Variants in PDGFB observed in about 807,000 individuals in gnomAD.
PDGFB encodes platelet derived growth factor subunit B.
A neutral mutation model predicts 29.0 loss-of-function variants in PDGFB; 6 were observed. That is an observed-to-expected ratio of 0.21 (90% CI 0.11 to 0.41). PDGFB has a LOEUF of 0.41. Among genes scored for constraint, PDGFB ranks in the 10% least tolerant of loss-of-function variants. PDGFB has a pLI of 1.00. For missense variants in PDGFB, 299 were observed against 341.8 expected, an observed-to-expected ratio of 0.87 and a Z score of 0.99; for synonymous variants, 144 against 140.8, an observed-to-expected ratio of 1.02 and a Z score of -0.16.
At position 39,243,215 on chromosome 22, in the gene PDGFB, T is replaced by C. The variant is rs1235469407; in HGVS notation, c.63+686A>G. Among the ~76,000 whole-genome samples, 1 of 151,704 alleles carries C rather than the reference T, an allele frequency of 6.6e-6. No homozygotes were observed. The highest frequency in any genetic ancestry group is 1.5e-5 in the Non-Finnish European group (1 of 67,962). On this transcript the variant is annotated intron_variant, in intron 1 of 6. Coordinates refer to ENST00000331163, the MANE Select transcript of PDGFB (RefSeq NM_002608.4). This position sits in a 1 kb window ranked among gnomAD's most constrained non-coding sequence, Gnocchi z 6.4. ...AGTGCCCGAAACCTACCTGCGTCTCTATCTTTCTCTCCCTCTCTCTCTCCG... is the reference window on the plus strand; with the variant it reads ...AGTGCCCGAAACCTACCTGCGTCTCCATCTTTCTCTCCCTCTCTCTCTCCG...
At chr22:39,237,844 C>T (rs527909563) in intron 1 of PDGFB, among the ~76,000 whole-genome samples, 8 of 152,320 alleles carry the variant, frequency 5.3e-5, no homozygotes, top group Admixed American at 3.3e-4. Context: ...GAAGAACATT[C>T]GATTCAATTC....
rs1256877356 is a variant in PDGFB at position 39,230,064 on chromosome 22, G to A, written c.601+20C>T. 9.9e-6 allele frequency: 16 copies of A among 1,612,246 alleles called. No homozygotes were observed. Among genetic ancestry groups the A allele is most frequent in the Non-Finnish European group, 1.4e-5 (16 of 1,179,094 alleles). ...CTGCAGGGGAAGGGGGCTGAGGGCT[G>A]AGCCTGGAAAGGTGGTTACCTCGCT... On this transcript the variant is annotated intron_variant, in intron 5 of 6. Coordinates refer to ENST00000331163, the MANE Select transcript of PDGFB (RefSeq NM_002608.4).
At position 39,242,698 on chromosome 22, in the gene PDGFB, G is replaced by C. The variant is rs1266546073; in HGVS notation, c.63+1203C>G. Among the ~76,000 whole-genome samples the C allele has an allele frequency of 6.6e-6, 1 of 152,040 alleles. No individual in the cohort carries two copies. The highest frequency in any genetic ancestry group is 2.4e-5 in the African/African-American group (1 of 41,496). ...TGGCGGCAGCCCAAGGCCGGGCCGC[G>C]GCCTCCGAGCCCTCCGCCTTAACCC... On this transcript the variant is annotated intron_variant, in intron 1 of 6. Transcript: ENST00000331163. The surrounding 1 kb of genome is among the most constrained non-coding windows in gnomAD (Gnocchi z 5.7).
rs559137929 is a variant in PDGFB at position 39,240,945 on chromosome 22, T to A, written c.63+2956A>T. On this transcript the variant is annotated intron_variant, in intron 1 of 6. Coordinates refer to ENST00000331163, the MANE Select transcript of PDGFB (RefSeq NM_002608.4). Reference sequence around the variant, plus strand: ...CGCACACACACACACACACACACTCTCTCTCTCTCTCTCTTCCTGGCTCTT... The same window carrying A: ...CGCACACACACACACACACACACTCACTCTCTCTCTCTCTTCCTGGCTCTT... 3.4e-4 allele frequency: 222 copies of A among 645,964 alleles called. 1 individual carries two copies. The highest frequency in any genetic ancestry group is 1.7e-3 in the African/African-American group (78 of 45,916). The allele number at this position is 645,964 out of a possible 1,614,324, so 40.0% of individuals were successfully genotyped here.
chr22:39,238,535 G>T (rs896885458), intron 1 of PDGFB, among the ~76,000 whole-genome samples: 1 of 152,156 alleles, frequency 6.6e-6, no homozygotes, highest in Non-Finnish European at 1.5e-5. Context: ...AATCCTAAGA[G>T]GCTGGCAGTA....
chr22:39,234,597 T>C (rs1932395524), intron 2 of PDGFB, among the ~76,000 whole-genome samples: 1 of 152,202 alleles, frequency 6.6e-6, no homozygotes, highest in Non-Finnish European at 1.5e-5. Context: ...TCCGCTTCCG[T>C]CCAGCCTGAC....
intron 1 of PDGFB, among the ~76,000 whole-genome samples, chr22:39,238,347 C>A (rs1373924002): frequency 6.6e-6 from 1 of 152,072 alleles, no homozygotes; most frequent in Admixed American, 6.6e-5. Flanking sequence ...GGCAAATGAG[C>A]AACTAGAGTC....
Position 39,223,481 on chromosome 22 carries a change from C to G in PDGFB, c.*1861G>C, listed in dbSNP as rs943703069. 1.3e-5 allele frequency: 2 copies of G among 152,374 alleles called. No individual in the cohort carries two copies. The highest frequency in any genetic ancestry group is 2.9e-5 in the Non-Finnish European group (2 of 68,096). The allele number at this position is 152,374 out of a possible 1,614,324, so 9.4% of individuals were successfully genotyped here. On this transcript the variant is annotated 3_prime_UTR_variant, in exon 7 of 7. Transcript: ENST00000331163. ...TCTTCTTCCCGCCAGACAGAGGCCT[C>G]CCCCAAGTTGCAGGCCTGCGTGTAT...
At position 39,244,029 on chromosome 22, in the gene PDGFB, A is replaced by G. The variant is rs1432317617; in HGVS notation, c.-66T>C. ...GATCGAGCGCGCCGCCCCCGCGGCC[A>G]GGGTGGGGGGCTGGGGAGGGGGGTG... On this transcript the variant is annotated 5_prime_UTR_variant, in exon 1 of 7. Transcript: ENST00000331163. This position sits in a 1 kb window ranked among gnomAD's most constrained non-coding sequence, Gnocchi z 4.5. 10 of 330,472 alleles carry G rather than the reference A, an allele frequency of 3.0e-5. No homozygotes were observed. The highest frequency in any genetic ancestry group is 4.8e-5 in the South Asian group (2 of 41,806). The allele number at this position is 330,472 out of a possible 1,614,324, so 20.5% of individuals were successfully genotyped here. A position where few individuals can be genotyped will look rare whatever the true frequency, so the allele number is the denominator to read the frequency against.
rs141737209 is a variant in PDGFB at position 39,241,459 on chromosome 22, A to G, written c.63+2442T>C. Among the ~76,000 whole-genome samples the G allele has an allele frequency of 6.3e-3, 954 of 152,322 alleles. 15 individuals are homozygous for G. The highest frequency in any genetic ancestry group is 0.022 in the African/African-American group (896 of 41,564). On this transcript the variant is annotated intron_variant, in intron 1 of 6. Coordinates refer to ENST00000331163, the MANE Select transcript of PDGFB (RefSeq NM_002608.4). ...CAGGCTTAGCAGCAAAGTGCTTCATAAACTGCAAAGTGCCACATACATCGC... is the reference window on the plus strand; with the variant it reads ...CAGGCTTAGCAGCAAAGTGCTTCATGAACTGCAAAGTGCCACATACATCGC...
chr22:39,235,646 C>A (rs975439756), intron 2 of PDGFB, 132 bp downstream of exon 2: 15 of 672,036 alleles, frequency 2.2e-5, no homozygotes, highest in Non-Finnish European at 2.6e-6. Flanking sequence ...GGTGTGGCCA[C>A]GCTCTCTCTG....
intron 3 of PDGFB, among the ~76,000 whole-genome samples, chr22:39,232,123 C>A (rs973286363): frequency 6.6e-6 from 1 of 152,228 alleles, no homozygotes; most frequent in Non-Finnish European, 1.5e-5. Context: ...TAGTAAATGT[C>A]CGCTTCCCTC....
intron 1 of PDGFB, among the ~76,000 whole-genome samples, chr22:39,241,483 G>A (rs1932567373): frequency 6.6e-6 from 1 of 152,208 alleles, no homozygotes; most frequent in African/African-American, 2.4e-5. Flanking sequence ...CACATACATC[G>A]CGCCTGTGGC....
chr22:39,238,843 C>T (rs1035294551), intron 1 of PDGFB, among the ~76,000 whole-genome samples: 3 of 152,268 alleles, frequency 2.0e-5, no homozygotes, highest in African/African-American at 4.8e-5. Flanking sequence ...ATGAAGGCAT[C>T]GCTGGTGGCC....
rs550969567 is a variant in PDGFB, at chr22:39,231,778, G to T, written c.300C>A (p.Arg100=). 6.2e-7 allele frequency: 1 copy of T among 1,613,732 alleles called. No homozygotes were observed. Among genetic ancestry groups the T allele is most frequent in the Non-Finnish European group, 8.5e-7 (1 of 1,179,940 alleles). Residue 100 remains arginine (R), a synonymous_variant, in exon 4 of 7, where the codon CGC becomes CGA. Transcript: ENST00000331163. The surrounding 1 kb of genome is among the most constrained non-coding windows in gnomAD (Gnocchi z 4.3). ...EPAMIAECKT[R]TEVFEISRRL... is the part of the protein sequence containing the mutation. ...GCCGGGAGATCTCGAACACCTCGGT[G>T]CGCGTCTTGCACTCGGCGATCATGG...
At chr22:39,236,439 C>T (rs889695983) in intron 1 of PDGFB, among the ~76,000 whole-genome samples, 4 of 152,174 alleles carry the variant, frequency 2.6e-5, no homozygotes, top group African/African-American at 7.2e-5. Context: ...CAGGTCCTAG[C>T]GGTATCTATG....
intron 1 of PDGFB, among the ~76,000 whole-genome samples, chr22:39,237,753 C>T (rs576756602): frequency 3.3e-5 from 5 of 152,354 alleles, no homozygotes; most frequent in South Asian, 4.1e-4. Context: ...CTGAATCCCA[C>T]GCCTTTGGAC....
Position 39,242,789 on chromosome 22 carries a change from C to G in PDGFB, c.63+1112G>C, listed in dbSNP as rs937538632. 6 of 231,014 alleles carry G rather than the reference C, an allele frequency of 2.6e-5. No homozygotes were observed. In the East Asian group the frequency reaches 3.6e-4, roughly 14 times the overall value. The allele number at this position is 231,014 out of a possible 1,614,324, so 14.3% of individuals were successfully genotyped here. ...CGCAGGGGCCGACCCTCCCCGGGAGCCGGCGAGGTGCGGGCGAGGTGCGGA... is the reference window on the plus strand; with the variant it reads ...CGCAGGGGCCGACCCTCCCCGGGAGGCGGCGAGGTGCGGGCGAGGTGCGGA... On this transcript the variant is annotated intron_variant, in intron 1 of 6. Transcript: ENST00000331163. The surrounding 1 kb of genome is among the most constrained non-coding windows in gnomAD (Gnocchi z 5.7).
intron 1 of PDGFB, among the ~76,000 whole-genome samples, chr22:39,241,433 T>C (rs1932566296): frequency 6.6e-6 from 1 of 152,222 alleles, no homozygotes; most frequent in South Asian, 2.1e-4. Context: ...TGAGGCTCAC[T>C]CAGGCTTAGC....
Sources: allele counts gnomAD v4.1 joint callset (sites outside exome capture counted in the v4.1 genomes callset), GRCh38; gene constraint gnomAD v4.1.1; non-coding constraint Gnocchi (gnomAD v3.1); transcripts MANE v1.5; gene names NCBI Gene and HGNC (gene_info 2026-07-23, HGNC 2026-07-21).